Variants in XKR4 observed in about 807,000 individuals in gnomAD.
The protein encoded by XKR4 is XK related 4, also known as XK-related protein 4.
A neutral mutation model predicts 53.9 loss-of-function variants in XKR4; 12 were observed. The observed-to-expected ratio is 0.22, with a 90% confidence interval of 0.14 to 0.36. The LOEUF (loss-of-function observed/expected upper bound fraction) is 0.36, where lower values mean the gene tolerates loss of function less well. Ranked by LOEUF, XKR4 falls within the 10% of genes least tolerant of loss-of-function variation. The pLI, the probability that XKR4 is intolerant of heterozygous loss-of-function variation, is 1.00. For synonymous variants in XKR4, 354 were observed against 362.4 expected, an observed-to-expected ratio of 0.98 and a Z score of 0.26; for missense variants, 799 against 859.5, an observed-to-expected ratio of 0.93 and a Z score of 0.88.
chr8:55,414,483 A>G (rs977127816), intron 2 of XKR4, among the ~76,000 whole-genome samples: 4 of 149,820 alleles, frequency 2.7e-5, no homozygotes, highest in South Asian at 2.1e-4. Context: ...TATGAATTGT[A>G]TATATTAGAT....
intron 1 of XKR4, among the ~76,000 whole-genome samples, chr8:55,313,336 G>T (rs1220737645): frequency 6.6e-6 from 1 of 152,190 alleles, no homozygotes; most frequent in Non-Finnish European, 1.5e-5. Context: ...CCATTCTGAG[G>T]ATGCTATTAG....
In XKR4 at chr8:55,452,550, T is replaced by A. The variant is rs113077660; in HGVS notation, c.1007-70731T>A. On this transcript the variant is annotated intron_variant, in intron 2 of 2. Transcript: ENST00000327381. ...GTGCAGCCTCAATAGCTTGGGTTTC[T>A]AGATGGGCATCAGCCTCCGGTTCTC... 22 of 716,664 alleles carry A rather than the reference T, an allele frequency of 3.1e-5. 1 individual carries two copies. Among genetic ancestry groups the A allele is most frequent in the African/African-American group, 2.2e-4 (13 of 57,794 alleles). 44.4% of individuals were successfully genotyped at this position (716,664 alleles called of 1,614,324 possible). A position where few individuals can be genotyped will look rare whatever the true frequency, so the allele number is the denominator to read the frequency against.
rs11313216 is a variant in XKR4, at chr8:55,532,796, C to CAAA, written c.*8591_*8593dup. ...TGGGTGACAGAGCAAGACTCCGTCT[C>CAAA]AAAAAAAAAAAAAAAAAAAAAAAAG... On this transcript the variant is annotated 3_prime_UTR_variant, in exon 3 of 3. Coordinates refer to ENST00000327381, the MANE Select transcript of XKR4 (RefSeq NM_052898.2). 1.3e-3 allele frequency: 92 copies of CAAA among 70,916 alleles called. 1 individual carries two copies. Among genetic ancestry groups the CAAA allele is most frequent in the East Asian group, 4.8e-3 (11 of 2,310 alleles). The allele number at this position is 70,916 out of a possible 1,614,324, so 4.4% of individuals were successfully genotyped here.
chr8:55,494,364 A>G (rs58641455), intron 2 of XKR4, among the ~76,000 whole-genome samples: 8,316 of 152,322 alleles, frequency 0.055, 623 homozygotes, highest in East Asian at 0.28. Context: ...CCAAAGAGCC[A>G]CAGCTCTCCT....
intron 2 of XKR4, among the ~76,000 whole-genome samples, chr8:55,376,934 A>G (rs1424785450): frequency 1.5e-5 from 2 of 132,666 alleles, no homozygotes; most frequent in Non-Finnish European, 3.1e-5. Context: ...CCCTCTCCAT[A>G]CACACACACA....
intron 2 of XKR4, among the ~76,000 whole-genome samples, chr8:55,470,435 G>C (rs913050733): frequency 2.0e-5 from 3 of 152,114 alleles, no homozygotes; most frequent in Non-Finnish European, 4.4e-5. Flanking sequence ...GGTTTTATAA[G>C]TGGAAACCCC....
rs999733439 is a variant in XKR4, at chr8:55,527,369, C to A, written c.*3142C>A. On this transcript the variant is annotated 3_prime_UTR_variant, in exon 3 of 3. Transcript: ENST00000327381. ...TCTGTGTCTGAGTCCACTTTGATTC[C>A]ATTTAAGAGGGAGATCTGCTCTTAC... 3.9e-5 allele frequency: 6 copies of A among 152,158 alleles called. No homozygotes were observed. The highest frequency in any genetic ancestry group is 6.5e-5 in the Admixed American group (1 of 15,272). The allele number at this position is 152,158 out of a possible 1,614,324, so 9.4% of individuals were successfully genotyped here.
intron 1 of XKR4, among the ~76,000 whole-genome samples, chr8:55,118,822 GT>G (rs564288160): frequency 7.3e-5 from 11 of 150,974 alleles, no homozygotes; most frequent in African/African-American, 9.7e-5. Flanking sequence ...TGCAAAGTAT[GT>G]TTTTTTTTGG....
At chr8:55,259,207 C>T (rs970660578) in intron 1 of XKR4, among the ~76,000 whole-genome samples, 1 of 152,204 alleles carries the variant, frequency 6.6e-6, no homozygotes, top group Non-Finnish European at 1.5e-5. Context: ...GGCCTCGCAG[C>T]TTTAGATCCA....
At chr8:55,196,195 T>TG (rs1817505042) in intron 1 of XKR4, among the ~76,000 whole-genome samples, 1 of 143,962 alleles carries the variant, frequency 6.9e-6, no homozygotes, top group Non-Finnish European at 1.5e-5. Context: ...TTTTTTTTTT[T>TG]GTTGAGATGG....
At chr8:55,109,733 G>A (rs965181060) in intron 1 of XKR4, among the ~76,000 whole-genome samples, 13 of 152,138 alleles carry the variant, frequency 8.5e-5, no homozygotes, top group African/African-American at 2.9e-4. Flanking sequence ...CTCCCCAACC[G>A]ACTAACTTAA....
At chr8:55,498,150 G>A (rs1328917026) in intron 2 of XKR4, among the ~76,000 whole-genome samples, 1 of 152,216 alleles carries the variant, frequency 6.6e-6, no homozygotes, top group Non-Finnish European at 1.5e-5. Context: ...AAGACCAAAA[G>A]AGCCTCAGCT....
intron 1 of XKR4, among the ~76,000 whole-genome samples, chr8:55,344,690 G>A (rs79593358): frequency 0.015 from 2,326 of 152,220 alleles, 63 homozygotes; most frequent in African/African-American, 0.053. Flanking sequence ...GCTATGAGGC[G>A]ATGCGAGTGC....
chr8:55,400,984 T>C (rs572880464), intron 2 of XKR4, among the ~76,000 whole-genome samples: 3 of 152,344 alleles, frequency 2.0e-5, no homozygotes, highest in African/African-American at 7.2e-5. Flanking sequence ...AACTCAGACA[T>C]ACACACCTAG....
chr8:55,146,415 C>T (rs1816774207), intron 1 of XKR4, among the ~76,000 whole-genome samples: 1 of 152,154 alleles, frequency 6.6e-6, no homozygotes, highest in Non-Finnish European at 1.5e-5. Context: ...TGACAAATAC[C>T]ATTCTTTTAC....
At chr8:55,494,869 C>G (rs1179634221) in intron 2 of XKR4, among the ~76,000 whole-genome samples, 3 of 152,160 alleles carry the variant, frequency 2.0e-5, no homozygotes, top group African/African-American at 4.8e-5. Flanking sequence ...CCCCTCTGGT[C>G]TGCAGGACTG....
chr8:55,443,015 C>T (rs1398174632), intron 2 of XKR4, among the ~76,000 whole-genome samples: 1 of 152,124 alleles, frequency 6.6e-6, no homozygotes, highest in African/African-American at 2.4e-5. Flanking sequence ...TTAATCACTA[C>T]ATTCAAATCT....
At chr8:55,413,036 C>A (rs555193295) in intron 2 of XKR4, among the ~76,000 whole-genome samples, 2 of 152,312 alleles carry the variant, frequency 1.3e-5, no homozygotes, top group South Asian at 2.1e-4. Context: ...GGATGGAAGA[C>A]AAATGAAACC....
chr8:55,125,960 T>C (rs1317904867), intron 1 of XKR4, among the ~76,000 whole-genome samples: 1 of 152,208 alleles, frequency 6.6e-6, no homozygotes, highest in African/African-American at 2.4e-5. Context: ...AATTGGGCCC[T>C]GTTTGTAGTC....
Sources: gnomAD v4.1 joint callset for allele counts (sites outside exome capture counted in the v4.1 genomes callset) on GRCh38, gnomAD v4.1.1 for gene constraint, MANE v1.5 for transcripts, NCBI Gene and HGNC (gene_info 2026-07-23, HGNC 2026-07-21) for gene names.